The following PTGS2 variants were observed in gnomAD, a reference collection of about 807,000 sequenced individuals.
PTGS2 encodes the protein prostaglandin G/H synthase 2.
PTGS2 carries 14 observed loss-of-function variants against 63.8 expected under a neutral mutation model. That is an observed-to-expected ratio of 0.22 (90% CI 0.14 to 0.34). The LOEUF is 0.34. PTGS2 is among the 10% of genes least tolerant of loss of function. The probability of loss-of-function intolerance (pLI) is 1.00; values close to 1 mark genes in which losing one functional copy is unlikely to be tolerated. For missense variants in PTGS2, 533 were observed against 738.5 expected (o/e 0.72, Z 3.23); for synonymous variants, 271 against 259.5 (o/e 1.04, Z -0.43).
rs1665702170 is a variant in PTGS2 at position 186,672,267 on chromosome 1, G to T, written c.*2086C>A. 1 of 152,058 alleles carries T rather than the reference G, an allele frequency of 6.6e-6. No homozygotes were observed. The highest frequency in any genetic ancestry group is 2.4e-5 in the African/African-American group (1 of 41,408). The allele number at this position is 152,058 out of a possible 1,614,324, so 9.4% of individuals were successfully genotyped here. A position where few individuals can be genotyped will look rare whatever the true frequency, so the allele number is the denominator to read the frequency against. On this transcript the variant is annotated 3_prime_UTR_variant, in exon 10 of 10. Coordinates refer to ENST00000367468, the MANE Select transcript of PTGS2 (RefSeq NM_000963.4). ...AATTGTGGCTGAACAAATTAACGAA[G>T]CATCCACAGATCCCTCAAAACATTT...
At position 186,675,648 on chromosome 1, in the gene PTGS2, A is replaced by G. The variant is rs1665766967; in HGVS notation, c.1257+250T>C. On this transcript the variant is annotated intron_variant, in intron 8 of 9. Transcript: ENST00000367468. ...ATTCAAGCCTAAAATATTTATTCCT[A>G]TAAGATTATAGATACTTTTTGAAAA... 6.5e-6 allele frequency: 4 copies of G among 618,704 alleles called. No individual in the cohort carries two copies. In the South Asian group the frequency reaches 9.6e-5, roughly 15 times the overall value. The allele number at this position is 618,704 out of a possible 1,614,324, so 38.3% of individuals were successfully genotyped here.
At position 186,672,172 on chromosome 1, in the gene PTGS2, T is replaced by C. The variant is rs1267204525; in HGVS notation, c.*2181A>G. ...TTTCAATTATTTATATAAATACTAT[T>C]ATCTGTAATCAGCGTTTGATTTAAA... On this transcript the variant is annotated 3_prime_UTR_variant, in exon 10 of 10. Coordinates refer to ENST00000367468, the MANE Select transcript of PTGS2 (RefSeq NM_000963.4). 1.3e-5 allele frequency: 2 copies of C among 151,976 alleles called. No homozygotes were observed. Among genetic ancestry groups the C allele is most frequent in the Non-Finnish European group, 2.9e-5 (2 of 67,974 alleles). 9.4% of individuals were successfully genotyped at this position (151,976 alleles called of 1,614,324 possible).
rs762892168 is a variant in PTGS2 at position 186,674,338 on chromosome 1, A to C, written c.*15T>G. ...ACATGGTTCATATAAATAAATAAAT[A>C]TGATCATTAGACTTCTACAGTTCAG... On this transcript the variant is annotated 3_prime_UTR_variant, in exon 10 of 10. Coordinates refer to ENST00000367468, the MANE Select transcript of PTGS2 (RefSeq NM_000963.4). 3.4e-6 allele frequency: 5 copies of C among 1,461,560 alleles called. No individual in the cohort carries two copies. In the Admixed American group the frequency reaches 1.1e-4, roughly 32 times the overall value. 90.5% of individuals were successfully genotyped at this position (1,461,560 alleles called of 1,614,324 possible).
chr1:186,674,740 C>G lies in PTGS2; in HGVS notation c.1428G>C (p.Glu476Asp), dbSNP rs1383601582. The change falls in exon 10 of 10, where the codon GAG (glutamate) becomes GAC (aspartate). Residue 476 changes from glutamate (E) to aspartate (D), a missense_variant. Glu to Asp is a conservative substitution (Grantham distance 45). Coordinates refer to ENST00000367468, the MANE Select transcript of PTGS2 (RefSeq NM_000963.4). ...ELTGEKEMSA[E>D]LEALYGDIDA... ...CGATGTCACCATAGAGTGCTTCCAACTCTGCAGACATTTCCTTTTCTCCTG... is the reference window on the plus strand; with the variant it reads ...CGATGTCACCATAGAGTGCTTCCAAGTCTGCAGACATTTCCTTTTCTCCTG... 6.2e-7 allele frequency: 1 copy of G among 1,611,472 alleles called. No individual in the cohort carries two copies. The highest frequency in any genetic ancestry group is 8.5e-7 in the Non-Finnish European group (1 of 1,178,830).
At position 186,679,511 on chromosome 1, in the gene PTGS2, T is replaced by C. The variant is rs904678283; in HGVS notation, c.53-73A>G. The C allele has an allele frequency of 4.4e-6, 5 of 1,128,204 alleles. No individual in the cohort carries two copies. The East Asian group carries it at 1.2e-4, about 28-fold the overall frequency. The allele number at this position is 1,128,204 out of a possible 1,614,324, so 69.9% of individuals were successfully genotyped here. Reference sequence around the variant, plus strand: ...TAATTTAAACATTTAATTGTTTGACTATGAATCAACTTTACAATAATAAAT... The same window carrying C: ...TAATTTAAACATTTAATTGTTTGACCATGAATCAACTTTACAATAATAAAT... On this transcript the variant is annotated intron_variant, in intron 1 of 9. Transcript: ENST00000367468.
rs945286060 is a variant in PTGS2 at position 186,672,566 on chromosome 1, C to A, written c.*1787G>T. On this transcript the variant is annotated 3_prime_UTR_variant, in exon 10 of 10. Coordinates refer to ENST00000367468, the MANE Select transcript of PTGS2 (RefSeq NM_000963.4). Reference sequence around the variant, plus strand: ...TAAACACAGTTTATAACCATAGTGTCCTAATAAGACATAAATAATAATCTT... The same window carrying A: ...TAAACACAGTTTATAACCATAGTGTACTAATAAGACATAAATAATAATCTT... 6.6e-6 allele frequency: 1 copy of A among 152,296 alleles called. No individual in the cohort carries two copies. Among genetic ancestry groups the A allele is most frequent in the African/African-American group, 2.4e-5 (1 of 41,330 alleles). The allele number at this position is 152,296 out of a possible 1,614,324, so 9.4% of individuals were successfully genotyped here.
chr1:186,678,024 T>C (rs1176028306), intron 4 of PTGS2, among the ~76,000 whole-genome samples, 194 bp from the exon 5 acceptor site: 1 of 152,240 alleles, frequency 6.6e-6, no homozygotes, highest in Non-Finnish European at 1.5e-5. Context: ...ATTAGAATTA[T>C]TTCATTTCTA....
chr1:186,677,566 T>G, intron 5 of PTGS2, 83 bp downstream of exon 5: 1 of 1,285,742 alleles, frequency 7.8e-7, no homozygotes, highest in Admixed American at 2.8e-5. Context: ...TGGATCTATC[T>G]ATCTGTATAT....
Position 186,680,343 on chromosome 1 carries a change from T to A in PTGS2, c.-53A>T, listed in dbSNP as rs1208131362. ...GGGTAGGCTTTGCTGTCTGAGGGCG[T>A]CTGGCTGTGGAGCTGAAGGAGGCGC... On this transcript the variant is annotated 5_prime_UTR_variant, in exon 1 of 10. Transcript: ENST00000367468. 7.1e-7 allele frequency: 1 copy of A among 1,417,580 alleles called. No individual in the cohort carries two copies. Among genetic ancestry groups the A allele is most frequent in the African/African-American group, 1.4e-5 (1 of 69,754 alleles). The allele number at this position is 1,417,580 out of a possible 1,614,324, so 87.8% of individuals were successfully genotyped here.
At chr1:186,677,535 A>G in intron 5 of PTGS2, 114 bp downstream of exon 5, 2 of 1,145,004 alleles carry the variant, frequency 1.7e-6, no homozygotes, top group Admixed American at 2.8e-5. Context: ...ACTTCTTTTT[A>G]AAAAAAGTGG....
chr1:186,675,616 C>T, intron 8 of PTGS2: 1 of 629,138 alleles, frequency 1.6e-6, no homozygotes, highest in Non-Finnish European at 2.6e-6. Context: ...TCAAAAATAA[C>T]ACTAGTATTC....
rs1434968517 is a variant in PTGS2, at chr1:186,680,191, C to T, written c.52+48G>A. Reference sequence around the variant, plus strand: ...CAGGAGGTCAGAGCGGAAACTCTGCCCGGGTGCGTGGAACCGGAGTCCCCG... The same window carrying T: ...CAGGAGGTCAGAGCGGAAACTCTGCTCGGGTGCGTGGAACCGGAGTCCCCG... On this transcript the variant is annotated intron_variant, in intron 1 of 9. Coordinates refer to ENST00000367468, the MANE Select transcript of PTGS2 (RefSeq NM_000963.4). 3.9e-6 allele frequency: 6 copies of T among 1,549,684 alleles called. No individual in the cohort carries two copies. The Admixed American group carries it at 7.8e-5, about 20-fold the overall frequency.
At chr1:186,675,571 G>C in intron 8 of PTGS2, 175 bp from the exon 9 acceptor site, 2 of 753,096 alleles carry the variant, frequency 2.7e-6, no homozygotes, top group East Asian at 2.8e-5. Context: ...AATTCAATGG[G>C]ACACCAGCCT....
Position 186,674,430 on chromosome 1 carries a change from T to C in PTGS2, c.1738A>G (p.Asn580Asp). The C allele has an allele frequency of 6.2e-7, 1 of 1,614,100 alleles. No individual in the cohort carries two copies. The highest frequency in any genetic ancestry group is 8.5e-7 in the Non-Finnish European group (1 of 1,179,950). Residue 580 changes from asparagine to aspartate, a missense_variant, in exon 10 of 10, where the codon AAT becomes GAT. Asn to Asp is a conservative substitution (Grantham distance 23). Around this residue, in one of 5 missense-constraint regions of PTGS2, gnomAD observed 219 missense variants for 267.4 expected, o/e 0.82. Transcript: ENST00000367468. Reference protein sequence around the residue: ...DPELIKTVTINASSSRSGLDD... With the variant: ...DPELIKTVTIDASSSRSGLDD... ...AGTCCGGAGCGGGAAGAACTTGCATTGATGGTGACTGTTTTAATGAGCTCT... is the reference window on the plus strand; with the variant it reads ...AGTCCGGAGCGGGAAGAACTTGCATCGATGGTGACTGTTTTAATGAGCTCT...
At position 186,672,093 on chromosome 1, in the gene PTGS2, G is replaced by C. The variant is rs892048890; in HGVS notation, c.*2260C>G. The C allele has an allele frequency of 6.6e-6, 1 of 151,654 alleles. No individual in the cohort carries two copies. Among genetic ancestry groups the C allele is most frequent in the Non-Finnish European group, 1.5e-5 (1 of 67,904 alleles). 9.4% of individuals were successfully genotyped at this position (151,654 alleles called of 1,614,324 possible). ...AAAATTGTAAAGAAGATTCTCCTGA[G>C]TTATCTTTAATGATATTTATTTCAT... On this transcript the variant is annotated 3_prime_UTR_variant, in exon 10 of 10. Coordinates refer to ENST00000367468, the MANE Select transcript of PTGS2 (RefSeq NM_000963.4).
intron 8 of PTGS2, 125 bp downstream of exon 8, chr1:186,675,773 A>C: frequency 9.5e-7 from 1 of 1,056,120 alleles, no homozygotes; most frequent in Non-Finnish European, 1.3e-6. Flanking sequence ...TTATATCAAT[A>C]AAATAATTTT....
chr1:186,675,222 C>G (rs201078559), intron 9 of PTGS2, 27 bp downstream of exon 9: 4 of 1,597,314 alleles, frequency 2.5e-6, no homozygotes, highest in Non-Finnish European at 3.4e-6. Context: ...AAACAAAAAA[C>G]GAAGAAGTTT....
rs1571808114 is a variant in PTGS2 at position 186,672,892 on chromosome 1, C to T, written c.*1461G>A. The T allele has an allele frequency of 6.6e-6, 1 of 152,124 alleles. No individual in the cohort carries two copies. Among genetic ancestry groups the T allele is most frequent in the East Asian group, 1.9e-4 (1 of 5,180 alleles). The allele number at this position is 152,124 out of a possible 1,614,324, so 9.4% of individuals were successfully genotyped here. ...TAAGTGTATACTATTTTTAAAAGGG[C>T]CTTTTTTTTTCTCTTTTAATCTTCT... On this transcript the variant is annotated 3_prime_UTR_variant, in exon 10 of 10. Transcript: ENST00000367468.
At position 186,674,183 on chromosome 1, in the gene PTGS2, G is replaced by C. The variant is rs1294198111; in HGVS notation, c.*170C>G. 8.4e-6 allele frequency: 3 copies of C among 356,696 alleles called. No individual in the cohort carries two copies. 22.1% of individuals were successfully genotyped at this position (356,696 alleles called of 1,614,324 possible). ...CTTAACAGCAACAGCAAAATCTTTA[G>C]AGTAGTGACATAAAAGTCTTCACAA... On this transcript the variant is annotated 3_prime_UTR_variant, in exon 10 of 10. Transcript: ENST00000367468.
Sources: gnomAD v4.1 joint callset for allele counts (sites outside exome capture counted in the v4.1 genomes callset) on GRCh38, gnomAD v4.1.1 for gene constraint, gnomAD v4.1.1 regional missense constraint, MANE v1.5 for transcripts, NCBI Gene and HGNC (gene_info 2026-07-23, HGNC 2026-07-21) for gene names.